The following EYS variants were observed in gnomAD, a reference collection of about 807,000 sequenced individuals.
EYS encodes the protein protein eyes shut homolog.
A neutral mutation model predicts 282.1 loss-of-function variants in EYS; 250 were observed. The observed-to-expected ratio is 0.89, with a 90% CI of 0.80 to 0.98. EYS has a LOEUF of 0.98. Among genes scored for constraint, EYS ranks in the 50% least tolerant of loss-of-function variants. The pLI is 0.00. For missense variants in EYS, 4,016 were observed against 3,709.0 expected (o/e 1.08, Z -2.15); for synonymous variants, 1,355 against 1,282.9 (o/e 1.06, Z -1.20).
chr6:63,896,295 T>C (rs958944537), intron 35 of EYS, among the ~76,000 whole-genome samples: 3 of 152,216 alleles, frequency 2.0e-5, no homozygotes, highest in African/African-American at 7.2e-5. Flanking sequence ...CACTGAATCA[T>C]TTGTTTTTAG....
At chr6:64,836,102 A>G (rs1765374247) in intron 19 of EYS, among the ~76,000 whole-genome samples, 1 of 151,398 alleles carries the variant, frequency 6.6e-6, no homozygotes, top group Non-Finnish European at 1.5e-5. Context: ...CTTATGTTTT[A>G]ATTTTTTCCA....
chr6:63,981,311 C>A (rs1767079729), intron 35 of EYS, among the ~76,000 whole-genome samples: 1 of 151,774 alleles, frequency 6.6e-6, no homozygotes, highest in South Asian at 2.1e-4. Flanking sequence ...CTATAGCTCT[C>A]TGTTTTCTTG....
intron 22 of EYS, among the ~76,000 whole-genome samples, chr6:64,788,461 T>C (rs1252189750): frequency 1.3e-5 from 2 of 152,326 alleles, no homozygotes; most frequent in Non-Finnish European, 2.9e-5. Flanking sequence ...TGCAAATTCC[T>C]TCCATTTTAA....
intron 33 of EYS, among the ~76,000 whole-genome samples, chr6:64,002,213 C>T (rs567019604): frequency 6.6e-6 from 1 of 152,238 alleles, no homozygotes; most frequent in African/African-American, 2.4e-5. Flanking sequence ...CCTGGGTGGC[C>T]CAACTCCAGG....
chr6:65,406,172 T>C (rs148100004), intron 5 of EYS, among the ~76,000 whole-genome samples: 20 of 152,270 alleles, frequency 1.3e-4, no homozygotes, highest in Non-Finnish European at 2.1e-4. Context: ...AATGACTAAT[T>C]ATTTTTAGCA....
intron 12 of EYS, among the ~76,000 whole-genome samples, chr6:65,157,143 G>A (rs1163111199): frequency 6.6e-6 from 1 of 150,740 alleles, no homozygotes; most frequent in African/African-American, 2.4e-5. Context: ...TTCTTTAATA[G>A]CACCTATTCT....
At chr6:64,985,375 A>G (rs934453382) in intron 14 of EYS, among the ~76,000 whole-genome samples, 1 of 151,512 alleles carries the variant, frequency 6.6e-6, no homozygotes, top group Non-Finnish European at 1.5e-5. Context: ...TACCTCAGGC[A>G]GTGTCATTAT....
chr6:63,911,435 C>T (rs192374972), intron 35 of EYS, among the ~76,000 whole-genome samples: 1 of 152,318 alleles, frequency 6.6e-6, no homozygotes, highest in Non-Finnish European at 1.5e-5. Flanking sequence ...AGTGAACAGC[C>T]TGACACAGGC....
At chr6:64,057,378 G>GTTTT (rs75532003) in intron 33 of EYS, among the ~76,000 whole-genome samples, 1 of 114,692 alleles carries the variant, frequency 8.7e-6, no homozygotes, top group African/African-American at 4.3e-5. Context: ...ATAAAGTAAG[G>GTTTT]TTTTTTTTTT....
chr6:64,085,328 GCACGTGCGCGCGCACA>G (rs1327235514), intron 31 of EYS, among the ~76,000 whole-genome samples: 2 of 93,946 alleles, frequency 2.1e-5, no homozygotes, highest in African/African-American at 1.5e-4. Flanking sequence ...GCGCGCGTGC[GCACGTGCGCGCGCACA>G]CACACACACA....
In EYS at chr6:64,822,710, A is replaced by G. The variant is rs969468917; in HGVS notation, c.3105T>C (p.Phe1035=). 3 of 1,548,612 alleles carry G rather than the reference A, an allele frequency of 1.9e-6. No homozygotes were observed. The highest frequency in any genetic ancestry group is 2.6e-6 in the Non-Finnish European group (3 of 1,145,584). ...HYTCDCKSGF[F]GTHCETNAND... ...TGGCGTTTGTTTCACAGTGTGTTCCAAAAAACCCACTCTTGCAGTCACAGG... is the reference window on the plus strand; with the variant it reads ...TGGCGTTTGTTTCACAGTGTGTTCCGAAAAACCCACTCTTGCAGTCACAGG... The change falls in exon 20 of 43, where the codon TTT becomes TTC. Residue 1035 remains phenylalanine (F), a synonymous_variant. Transcript: ENST00000503581.
At chr6:65,608,193 T>C (rs1017699398) in intron 2 of EYS, among the ~76,000 whole-genome samples, 7 of 152,064 alleles carry the variant, frequency 4.6e-5, no homozygotes, top group African/African-American at 1.2e-4. Context: ...ACCTAGACTA[T>C]ATGCTATAGC....
intron 33 of EYS, among the ~76,000 whole-genome samples, chr6:64,063,270 A>G (rs763741468): frequency 2.0e-5 from 3 of 152,150 alleles, no homozygotes; most frequent in Non-Finnish European, 4.4e-5. Flanking sequence ...TTCAATGGAA[A>G]ATTCCACTTT....
chr6:64,665,331 G>T (rs926016939), intron 22 of EYS, among the ~76,000 whole-genome samples: 2 of 152,118 alleles, frequency 1.3e-5, no homozygotes, highest in Non-Finnish European at 2.9e-5. Flanking sequence ...TAATTTAATT[G>T]TTGTAAGTGC....
intron 12 of EYS, among the ~76,000 whole-genome samples, chr6:65,127,268 C>A (rs543545542): frequency 3.3e-5 from 5 of 151,978 alleles, no homozygotes; most frequent in African/African-American, 1.2e-4. Context: ...TTCCCTTACA[C>A]CTAGTAGGGA....
chr6:65,354,690 G>A (rs1020729433), intron 8 of EYS, among the ~76,000 whole-genome samples: 6 of 151,930 alleles, frequency 3.9e-5, no homozygotes, highest in East Asian at 1.9e-4. Context: ...AGTGGCGTGC[G>A]CCTGTAATCC....
chr6:65,594,977 T>A (rs1765356953), intron 2 of EYS, among the ~76,000 whole-genome samples: 1 of 152,130 alleles, frequency 6.6e-6, no homozygotes, highest in African/African-American at 2.4e-5. Flanking sequence ...TGGTTGTAGA[T>A]GTGTGGTATT....
intron 30 of EYS, among the ~76,000 whole-genome samples, chr6:64,278,967 T>C (rs1768211154): frequency 6.6e-6 from 1 of 152,140 alleles, no homozygotes; most frequent in Non-Finnish European, 1.5e-5. Context: ...TTGCCCAGGT[T>C]GGTCTCAAAT....
chr6:63,963,270 T>TA (rs796581928), intron 35 of EYS, among the ~76,000 whole-genome samples: 73 of 142,260 alleles, frequency 5.1e-4, no homozygotes, highest in Admixed American at 7.7e-4. Flanking sequence ...ACTTAAAGTA[T>TA]AAAAAAAAAA....
Sources: allele counts gnomAD v4.1 joint callset (sites outside exome capture counted in the v4.1 genomes callset), GRCh38; gene constraint gnomAD v4.1.1; transcripts MANE v1.5; gene names NCBI Gene and HGNC (gene_info 2026-07-23, HGNC 2026-07-21).